ZMYM2: variants seen among roughly 807,000 people sequenced by gnomAD.
The protein encoded by ZMYM2 is zinc finger MYM-type protein 2.
In ZMYM2, 56 loss-of-function variants were observed where a neutral mutation model predicts 162.8. The ratio of observed to expected loss-of-function variants is 0.34; its 90% CI spans 0.28 to 0.43. The LOEUF is 0.43. ZMYM2 is among the 20% of genes least tolerant of loss of function. The pLI is 1.00. For missense variants in ZMYM2, 1,275 were observed against 1,621.8 expected (o/e 0.79, Z 3.67); for synonymous variants, 510 against 541.6 (o/e 0.94, Z 0.81).
At chr13:19,909,033 T>C in the ZMYM2 span, among the ~76,000 whole-genome samples, 29 of 152,358 alleles carry the variant, frequency 1.9e-4, no homozygotes, top group East Asian at 1.7e-3. Context: ...CAGTATCTGA[T>C]GTAAAGACTC....
At chr13:19,958,035 G>C (rs1362599437), upstream of ZMYM2, among the ~76,000 whole-genome samples, 1 of 152,232 alleles carries the variant, frequency 6.6e-6, no homozygotes, top group African/African-American at 2.4e-5. Flanking sequence ...CAGTCGTTCC[G>C]ACAAAATGGA....
chr13:19,992,397 C>CTAAATAAA (rs140699210), intron 2 of ZMYM2, among the ~76,000 whole-genome samples: 4 of 151,898 alleles, frequency 2.6e-5, no homozygotes, highest in African/African-American at 9.7e-5. Context: ...TCGTCTCTAC[C>CTAAATAAA]TAAATAAATA....
intron 23 of ZMYM2, among the ~76,000 whole-genome samples, 198 bp downstream of exon 23, chr13:20,083,230 C>T (rs1207431443): frequency 6.6e-6 from 1 of 152,020 alleles, no homozygotes; most frequent in Non-Finnish European, 1.5e-5. Context: ...GCCTGGCTAA[C>T]TTTGTATTTT....
chr13:19,991,826 TGTCATGTTGCCCAGGCTG>T lies in ZMYM2; in HGVS notation c.-10-1233_-10-1216del, dbSNP rs990156347. Among the ~76,000 whole-genome samples, 3 of 151,574 alleles carry T rather than the reference TGTCATGTTGCCCAGGCTG, an allele frequency of 2.0e-5. No individual in the cohort carries two copies. The South Asian group carries it at 6.3e-4, about 32-fold the overall frequency. On this transcript the variant is annotated intron_variant, in intron 2 of 24. Transcript: ENST00000610343. ...TGTATTTTTTGTAGAGATGGGGTTTTGTCATGTTGCCCAGGCTGGTCTCAAACTCCTGGGCTCAAGTGA... is the reference window on the plus strand; with the variant it reads ...TGTATTTTTTGTAGAGATGGGGTTTTGTCTCAAACTCCTGGGCTCAAGTGA...
chr13:19,931,092 T>A, the ZMYM2 span, among the ~76,000 whole-genome samples: 1 of 147,064 alleles, frequency 6.8e-6, no homozygotes, highest in Non-Finnish European at 1.5e-5. Flanking sequence ...TGAGCCGAGA[T>A]GGCGCCACAG....
At chr13:20,005,702 T>C (rs1950688315) in intron 5 of ZMYM2, among the ~76,000 whole-genome samples, 1 of 152,306 alleles carries the variant, frequency 6.6e-6, no homozygotes, top group East Asian at 1.9e-4. Flanking sequence ...ATTTGAATGA[T>C]TTATAATGGT....
intron 2 of ZMYM2, among the ~76,000 whole-genome samples, chr13:19,990,879 C>T (rs1033817278): frequency 3.3e-5 from 5 of 152,176 alleles, no homozygotes; most frequent in African/African-American, 1.2e-4. Context: ...ATAGTCTATA[C>T]TTGCCCTTCA....
the ZMYM2 span, among the ~76,000 whole-genome samples, chr13:19,922,904 C>G: frequency 6.6e-6 from 1 of 151,860 alleles, no homozygotes; most frequent in Non-Finnish European, 1.5e-5. Flanking sequence ...TGCCTGTAAT[C>G]CTAGTTACTC....
rs760493726 is a variant in ZMYM2 at position 19,993,748 on chromosome 13, G to C, written c.676G>C (p.Gly226Arg). 5 of 1,614,028 alleles carry C rather than the reference G, an allele frequency of 3.1e-6. No individual in the cohort carries two copies. In the South Asian group the frequency reaches 4.4e-5, roughly 14 times the overall value. Reference protein sequence around the residue: ...HVTSLQNTNLGDVSNGLQSSN... With the variant: ...HVTSLQNTNLRDVSNGLQSSN... Reference sequence around the variant, plus strand: ...AACATCACTGCAGAATACCAACTTGGGAGATGTCTCTAACGGACTGCAGTC... The same window carrying C: ...AACATCACTGCAGAATACCAACTTGCGAGATGTCTCTAACGGACTGCAGTC... Residue 226 changes from glycine to arginine, a missense_variant, in exon 3 of 25, where the codon GGA (glycine) becomes CGA (arginine). By Grantham distance (125) the Gly-to-Arg change is moderately radical. This residue lies in a region of ZMYM2 where 295 missense variants were observed against 286.7 expected (regional missense o/e 1.03). Transcript: ENST00000610343.
At chr13:20,057,830 G>A (rs1276142657) in intron 14 of ZMYM2, among the ~76,000 whole-genome samples, 1 of 152,108 alleles carries the variant, frequency 6.6e-6, no homozygotes, top group Non-Finnish European at 1.5e-5. Flanking sequence ...ATTGTTTGGG[G>A]CAACCGTATA....
At chr13:20,075,670 CTTTTTTTTTTTTTTTTTTTTT>C (rs56664916) in intron 21 of ZMYM2, among the ~76,000 whole-genome samples, 2 of 75,738 alleles carry the variant, frequency 2.6e-5, no homozygotes, top group Admixed American at 1.7e-4. Context: ...CTATAGACAC[CTTTTTTTTTTTTTTTTTTTTT>C]TTTTTTTTTT....
intron 4 of ZMYM2, among the ~76,000 whole-genome samples, chr13:20,004,520 G>T (rs377180134): frequency 5.9e-5 from 9 of 152,226 alleles, no homozygotes; most frequent in African/African-American, 1.9e-4. Context: ...CTCCCAAAGT[G>T]CTGGGATTAC....
chr13:19,882,412 G>A, the ZMYM2 span, among the ~76,000 whole-genome samples: 1 of 152,120 alleles, frequency 6.6e-6, no homozygotes, highest in African/African-American at 2.4e-5. Context: ...CACATGAAAA[G>A]ATGTTCAACT....
the ZMYM2 span, among the ~76,000 whole-genome samples, chr13:19,918,495 C>CTTTTTTTTTTTTTTTTTTTT: frequency 8.4e-5 from 9 of 107,504 alleles, no homozygotes; most frequent in East Asian, 2.8e-4. Context: ...TTCTTTCTTT[C>CTTTTTTTTTTTTTTTTTTTT]TTTTTTTTTT....
intron 24 of ZMYM2, among the ~76,000 whole-genome samples, chr13:20,085,193 G>A (rs1376382298): frequency 6.6e-6 from 1 of 152,176 alleles, no homozygotes; most frequent in African/African-American, 2.4e-5. Context: ...GAGGTCAGGT[G>A]TGGAACTTTC....
chr13:19,869,953 G>A, the ZMYM2 span, among the ~76,000 whole-genome samples: 1 of 152,150 alleles, frequency 6.6e-6, no homozygotes, highest in Non-Finnish European at 1.5e-5. Context: ...GTCTGTTATT[G>A]TAGGTCAAGA....
chr13:19,971,262 A>ATATATATATATATTTTTT (rs1329532735), intron 2 of ZMYM2, among the ~76,000 whole-genome samples: 1 of 78,332 alleles, frequency 1.3e-5, no homozygotes, highest in Non-Finnish European at 2.4e-5. Flanking sequence ...ATATATATAT[A>ATATATATATATATTTTTT]TTTTTTTTTT....
chr13:19,947,749 T>C, the ZMYM2 span, among the ~76,000 whole-genome samples: 1 of 151,838 alleles, frequency 6.6e-6, no homozygotes, highest in Non-Finnish European at 1.5e-5. Context: ...CGGCCTCGGC[T>C]TCCCAGAGTG....
chr13:19,948,960 TTTTTG>T, the ZMYM2 span, among the ~76,000 whole-genome samples: 68 of 152,336 alleles, frequency 4.5e-4, no homozygotes, highest in African/African-American at 1.4e-3. Flanking sequence ...TGTGTATGTG[TTTTTG>T]TTTTGTTTTG....
Sources: gnomAD v4.1 joint callset for allele counts (sites outside exome capture counted in the v4.1 genomes callset) on GRCh38, gnomAD v4.1.1 for gene constraint, gnomAD v4.1.1 regional missense constraint, MANE v1.5 for transcripts, NCBI Gene and HGNC (gene_info 2026-07-23, HGNC 2026-07-21) for gene names.